The following SEMA3A variants were observed in gnomAD, a reference collection of about 807,000 sequenced individuals.
The protein encoded by SEMA3A is semaphorin 3A.
A neutral mutation model predicts 97.9 loss-of-function variants in SEMA3A; 29 were observed. The ratio of observed to expected loss-of-function variants is 0.30; its 90% confidence interval spans 0.22 to 0.40. SEMA3A has a LOEUF of 0.40. Ranked by LOEUF, SEMA3A falls within the 10% of genes least tolerant of loss-of-function variation. SEMA3A has a pLI of 1.00. For missense variants in SEMA3A, 763 were observed against 951.3 expected (o/e 0.80, Z 2.60); for synonymous variants, 321 against 323.7 (o/e 0.99, Z 0.09).
chr7:84,096,993 T>C (rs1794795262), intron 4 of SEMA3A, among the ~76,000 whole-genome samples: 1 of 152,140 alleles, frequency 6.6e-6, no homozygotes, highest in Non-Finnish European at 1.5e-5. Flanking sequence ...AGGTAGTACC[T>C]AGGAATGCTA....
chr7:84,445,377 C>T (rs572719552), intron 1 of SEMA3A, among the ~76,000 whole-genome samples: 5 of 148,888 alleles, frequency 3.4e-5, no homozygotes, highest in African/African-American at 1.2e-4. Flanking sequence ...ACCTGTAGTC[C>T]CAGCTACTGG....
intron 1 of SEMA3A, among the ~76,000 whole-genome samples, chr7:84,422,600 T>A (rs1804631788): frequency 6.6e-6 from 1 of 152,124 alleles, no homozygotes. Context: ...CTTTTAATTG[T>A]GATGTTAGGG....
At chr7:84,475,856 A>C (rs1806268088) in intron 1 of SEMA3A, among the ~76,000 whole-genome samples, 1 of 152,182 alleles carries the variant, frequency 6.6e-6, no homozygotes, top group African/African-American at 2.4e-5. Flanking sequence ...AAAATGTTTC[A>C]GCATTATTTT....
chr7:84,367,877 G>GT (rs1729059531), intron 2 of SEMA3A, among the ~76,000 whole-genome samples: 1 of 151,048 alleles, frequency 6.6e-6, no homozygotes, highest in Non-Finnish European at 1.5e-5. Context: ...CTACAATTCT[G>GT]TTTATCTAAA....
At chr7:83,974,244 T>C (rs1562948645) in intron 15 of SEMA3A, among the ~76,000 whole-genome samples, 1 of 152,090 alleles carries the variant, frequency 6.6e-6, no homozygotes, top group Non-Finnish European at 1.5e-5. Flanking sequence ...TGTAGCTGGA[T>C]TTTTCTGTTT....
At chr7:84,345,650 A>G (rs1370359491) in intron 2 of SEMA3A, among the ~76,000 whole-genome samples, 2 of 152,224 alleles carry the variant, frequency 1.3e-5, no homozygotes, top group African/African-American at 2.4e-5. Context: ...ACCCATAAGA[A>G]GCAACTCCTT....
chr7:83,968,727 A>G (rs1788805676), intron 15 of SEMA3A, among the ~76,000 whole-genome samples: 1 of 150,782 alleles, frequency 6.6e-6, no homozygotes, highest in Admixed American at 6.6e-5. Flanking sequence ...TATATGTTAG[A>G]TAGGTCATTT....
intron 12 of SEMA3A, among the ~76,000 whole-genome samples, chr7:83,995,279 C>G (rs1047525690): frequency 6.6e-6 from 1 of 152,104 alleles, no homozygotes; most frequent in Admixed American, 6.5e-5. Flanking sequence ...CTGTCTTCTG[C>G]GTCGCTCACT....
intron 1 of SEMA3A, among the ~76,000 whole-genome samples, chr7:84,384,980 G>C (rs1803361352): frequency 6.6e-6 from 1 of 152,010 alleles, no homozygotes. Context: ...GCTGAGATGT[G>C]AGAGCTTCTA....
chr7:84,009,622 T>A (rs1349144879), intron 9 of SEMA3A, among the ~76,000 whole-genome samples: 1 of 152,198 alleles, frequency 6.6e-6, no homozygotes, highest in Non-Finnish European at 1.5e-5. Context: ...CATGTAAATG[T>A]ACATGTGTTT....
chr7:83,978,893 GC>G (rs1562951140), intron 14 of SEMA3A, among the ~76,000 whole-genome samples: 1 of 152,100 alleles, frequency 6.6e-6, no homozygotes, highest in African/African-American at 2.4e-5. Context: ...AATCTGTAAG[GC>G]ATAACAAAAA....
intron 2 of SEMA3A, among the ~76,000 whole-genome samples, chr7:84,329,185 G>T (rs905063173): frequency 1.3e-5 from 2 of 151,872 alleles, no homozygotes; most frequent in African/African-American, 4.8e-5. Flanking sequence ...TTTTGGCAGA[G>T]GTAACATTAT....
At position 84,055,551 on chromosome 7, in the gene SEMA3A, C is replaced by T. The variant is rs144767816; in HGVS notation, c.547+4914G>A. Among the ~76,000 whole-genome samples the T allele has an allele frequency of 2.5e-4, 38 of 152,322 alleles. 1 individual carries two copies. In the East Asian group the frequency reaches 7.0e-3, roughly 28 times the overall value. ...GCTTCCCGAGTGAGGCTATGCCTCG[C>T]CCTGCTTTGGCTCGTGCACGGTGCG... On this transcript the variant is annotated intron_variant, in intron 5 of 16. Coordinates refer to ENST00000265362, the MANE Select transcript of SEMA3A (RefSeq NM_006080.3).
At chr7:84,388,276 T>C (rs1803451092) in intron 1 of SEMA3A, among the ~76,000 whole-genome samples, 2 of 152,070 alleles carry the variant, frequency 1.3e-5, no homozygotes, top group African/African-American at 4.8e-5. Flanking sequence ...TCTGATATTC[T>C]CGGGGAAGTT....
intron 4 of SEMA3A, among the ~76,000 whole-genome samples, chr7:84,065,487 T>G (rs1231079694): frequency 6.6e-6 from 1 of 151,010 alleles, no homozygotes; most frequent in Non-Finnish European, 1.5e-5. Context: ...AGGAGCTGGT[T>G]TTTTGAAAGG....
chr7:84,452,936 T>C (rs1042158867), intron 1 of SEMA3A, among the ~76,000 whole-genome samples: 1 of 152,160 alleles, frequency 6.6e-6, no homozygotes, highest in Non-Finnish European at 1.5e-5. Flanking sequence ...AAGTAAATCT[T>C]TATACACTGT....
At chr7:84,424,323 T>C (rs1804682021) in intron 1 of SEMA3A, among the ~76,000 whole-genome samples, 1 of 142,516 alleles carries the variant, frequency 7.0e-6, no homozygotes, top group Non-Finnish European at 1.5e-5. Context: ...ATACATTCTA[T>C]ATAATATGAT....
intron 1 of SEMA3A, among the ~76,000 whole-genome samples, 188 bp downstream of exon 1, chr7:84,194,287 A>G (rs1391048434): frequency 4.6e-5 from 7 of 152,094 alleles, no homozygotes; most frequent in Non-Finnish European, 1.0e-4. Flanking sequence ...TTAAGTTGTC[A>G]TATATCAAAC....
intron 12 of SEMA3A, among the ~76,000 whole-genome samples, chr7:83,993,698 T>C (rs1169086792): frequency 2.5e-3 from 240 of 96,996 alleles, no homozygotes; most frequent in Middle Eastern, 4.0e-3. Context: ...GTTAGTCTGA[T>C]CGGCTTCCCT....
Sources: gnomAD v4.1 joint callset for allele counts (sites outside exome capture counted in the v4.1 genomes callset) on GRCh38, gnomAD v4.1.1 for gene constraint, MANE v1.5 for transcripts, NCBI Gene and HGNC (gene_info 2026-07-23, HGNC 2026-07-21) for gene names.